The following COL16A1 variants were observed in gnomAD, a reference collection of about 807,000 sequenced individuals.
COL16A1 encodes collagen alpha-1(XVI) chain.
Under a neutral mutation model 266.3 loss-of-function variants are expected in COL16A1, and 189 were observed. The observed-to-expected ratio is 0.71, with a 90% CI of 0.63 to 0.80. The LOEUF (loss-of-function observed/expected upper bound fraction) is 0.80, where lower values mean the gene tolerates loss of function less well. Ranked by LOEUF, COL16A1 falls within the 30% of genes least tolerant of loss-of-function variation. The pLI is 0.00. For missense variants in COL16A1, 1,928 were observed against 2,122.4 expected (o/e 0.91, Z 1.80); for synonymous variants, 740 against 782.3 (o/e 0.95, Z 0.90).
At position 31,698,526 on chromosome 1, in the gene COL16A1, G is replaced by T. The variant is rs34091659; in HGVS notation, c.347C>A (p.Thr116Lys). The change falls in exon 5 of 71, where the codon ACG (threonine) becomes AAG (lysine). Residue 116 changes from threonine to lysine, a missense_variant. Thr to Lys is a moderately conservative substitution (Grantham distance 78). Transcript: ENST00000373672. This position sits in a 1 kb window ranked among gnomAD's most constrained non-coding sequence, Gnocchi z 4.1. ...ATCGGTCACTTGAAACAGATACCAC[G>T]TCTTCTGGTGGGTGTGTTTCTTCAG... ...LLLKKHTHQK[T>K]WYLFQVTDAN... 3 of 1,613,998 alleles carry T rather than the reference G, an allele frequency of 1.9e-6. No homozygotes were observed. Among genetic ancestry groups the T allele is most frequent in the East Asian group, 2.2e-5 (1 of 44,884 alleles).
At position 31,686,135 on chromosome 1, in the gene COL16A1, C is replaced by T. The variant is rs1643960739; in HGVS notation, c.1840G>A (p.Gly614Arg). The change falls in exon 28 of 71, where the codon GGG (glycine) becomes AGG (arginine). Residue 614 changes from glycine (G) to arginine (R), a missense_variant and splice_region_variant. Transcript: ENST00000373672. ...FGEAGPAGSP[G>R]PPGPVGPAGI... ...GCTGGCCCCACTGGTCCTGGTGGCC[C>T]CTGCATGTTAAGACGCTACAGGTAA... 6.2e-7 allele frequency: 1 copy of T among 1,614,002 alleles called. No homozygotes were observed. The highest frequency in any genetic ancestry group is 8.5e-7 in the Non-Finnish European group (1 of 1,180,036).
intron 36 of COL16A1, 46 bp downstream of exon 36, chr1:31,683,147 CA>C: frequency 6.2e-7 from 1 of 1,613,200 alleles, no homozygotes; most frequent in Non-Finnish European, 8.5e-7. Context: ...GCTTCTGGGA[CA>C]CTCTGGAATA....
rs1570308777 is a variant in COL16A1, at chr1:31,652,941, A to G, written c.4613-88T>C. 8.0e-7 allele frequency: 1 copy of G among 1,252,768 alleles called. No homozygotes were observed. Among genetic ancestry groups the G allele is most frequent in the East Asian group, 2.9e-5 (1 of 35,046 alleles). 77.6% of individuals were successfully genotyped at this position (1,252,768 alleles called of 1,614,324 possible). A position where few individuals can be genotyped will look rare whatever the true frequency, so the allele number is the denominator to read the frequency against. ...ATAATGGCATCAAATAATACCTTAC[A>G]TTTGATGACTGTTTCTCAAGTTACC... On this transcript the variant is annotated intron_variant, in intron 70 of 70. Coordinates refer to ENST00000373672, the MANE Select transcript of COL16A1 (RefSeq NM_001856.4). The surrounding 1 kb of genome is among the most constrained non-coding windows in gnomAD (Gnocchi z 4.8).
chr1:31,698,427 C>T lies in COL16A1; in HGVS notation c.390+56G>A, dbSNP rs536185120. The T allele has an allele frequency of 3.4e-4, 543 of 1,606,086 alleles. 17 individuals are homozygous for T. In the South Asian group the frequency reaches 5.4e-3, roughly 16 times the overall value. ...GTCACAAGCCGGGATGAAAGGTGGGCTGGACTGGTGCTACCCAATGCCCTA... is the reference window on the plus strand; with the variant it reads ...GTCACAAGCCGGGATGAAAGGTGGGTTGGACTGGTGCTACCCAATGCCCTA... On this transcript the variant is annotated intron_variant, in intron 5 of 70. Coordinates refer to ENST00000373672, the MANE Select transcript of COL16A1 (RefSeq NM_001856.4). The surrounding 1 kb of genome is among the most constrained non-coding windows in gnomAD (Gnocchi z 4.1).
At position 31,675,315 on chromosome 1, in the gene COL16A1, T is replaced by A. The variant is rs1395507731; in HGVS notation, c.2773-4A>T. ...AACCGTTGTTTCCAGGCACTCCCTG[T>A]AGCCAAGAAGAGACACGAGTGAGTG... On this transcript the variant is annotated splice_region_variant and splice_polypyrimidine_tract_variant and intron_variant, in intron 42 of 70. Coordinates refer to ENST00000373672, the MANE Select transcript of COL16A1 (RefSeq NM_001856.4). 6.2e-7 allele frequency: 1 copy of A among 1,613,628 alleles called. No homozygotes were observed. Among genetic ancestry groups the A allele is most frequent in the East Asian group, 2.2e-5 (1 of 44,864 alleles).
chr1:31,700,186 G>T, intron 2 of COL16A1, 71 bp from the exon 3 acceptor site: 2 of 1,437,070 alleles, frequency 1.4e-6, no homozygotes, highest in Non-Finnish European at 9.8e-7. Context: ...GACGCCTGGG[G>T]AACCTGGGAG....
intron 42 of COL16A1, among the ~76,000 whole-genome samples, chr1:31,677,891 C>T (rs1643317200): frequency 6.6e-6 from 1 of 152,190 alleles, no homozygotes; most frequent in Non-Finnish European, 1.5e-5. Context: ...CATGTCTTGG[C>T]AGGGTTTACA....
chr1:31,690,622 C>T (rs1469151155), intron 20 of COL16A1, 49 bp from the exon 21 acceptor site: 1 of 1,601,894 alleles, frequency 6.2e-7, no homozygotes. Flanking sequence ...CCAATGCAAT[C>T]TCGGTGCGTT....
rs773318414 is a variant in COL16A1 at position 31,697,128 on chromosome 1, C to T, written c.739-40G>A. The T allele has an allele frequency of 1.9e-6, 3 of 1,613,474 alleles. No homozygotes were observed. Among genetic ancestry groups the T allele is most frequent in the Non-Finnish European group, 2.5e-6 (3 of 1,179,602 alleles). On this transcript the variant is annotated intron_variant, in intron 7 of 70. Transcript: ENST00000373672. This position sits in a 1 kb window ranked among gnomAD's most constrained non-coding sequence, Gnocchi z 4.2. Reference sequence around the variant, plus strand: ...AGCGGGGCTAGGGTCAGTACAGGAGCAGACTCCTCCTAAGACCTCCAGGCA... The same window carrying T: ...AGCGGGGCTAGGGTCAGTACAGGAGTAGACTCCTCCTAAGACCTCCAGGCA...
At chr1:31,675,685 A>T (rs902392665) in intron 42 of COL16A1, among the ~76,000 whole-genome samples, 1 of 150,892 alleles carries the variant, frequency 6.6e-6, no homozygotes, top group Non-Finnish European at 1.5e-5. Flanking sequence ...CTTTGTAGAG[A>T]CGGGGTCTCA....
Position 31,698,988 on chromosome 1 carries a change from G to A in COL16A1, c.267-382C>T, listed in dbSNP as rs1050807624. Among the ~76,000 whole-genome samples, 2 of 152,058 alleles carry A rather than the reference G, an allele frequency of 1.3e-5. No homozygotes were observed. The highest frequency in any genetic ancestry group is 6.5e-5 in the Admixed American group (1 of 15,276). ...CAGGCGCCTGTAATCCCAGCTACCC[G>A]GGAGGCTGAGGCAGGAGAATTGCTT... On this transcript the variant is annotated intron_variant, in intron 4 of 70. Coordinates refer to ENST00000373672, the MANE Select transcript of COL16A1 (RefSeq NM_001856.4). This position sits in a 1 kb window ranked among gnomAD's most constrained non-coding sequence, Gnocchi z 4.1.
In COL16A1 at chr1:31,661,680, G is replaced by T; in HGVS notation, c.3706C>A (p.Pro1236Thr). 6.2e-7 allele frequency: 1 copy of T among 1,605,446 alleles called. No individual in the cohort carries two copies. Among genetic ancestry groups the T allele is most frequent in the Middle Eastern group, 1.7e-4 (1 of 6,026 alleles). ...CTTACCGGTGGTCCCATGAGTCCAG[G>T]GGGGCCAGCAGGACCAGGGTCCCCC... ...LRGDPGPAGP[P>T]GLMGPPGFKG... The change falls in exon 59 of 71, where the codon CCT (proline) becomes ACT (threonine). Residue 1236 changes from proline to threonine, a missense_variant. Physicochemically the swap from Pro to Thr is conservative, Grantham distance 38. This residue lies in a region of COL16A1 where 1,552 missense variants were observed against 1,637.2 expected (regional missense o/e 0.95). Transcript: ENST00000373672.
chr1:31,689,663 A>G, intron 23 of COL16A1, 78 bp downstream of exon 23: 1 of 1,189,740 alleles, frequency 8.4e-7, no homozygotes, highest in Non-Finnish European at 1.3e-6. Flanking sequence ...CCCTCTGCCC[A>G]ATTCCTCTCT....
At position 31,692,768 on chromosome 1, in the gene COL16A1, T is replaced by C. The variant is rs1644330795; in HGVS notation, c.1112A>G (p.Gln371Arg). Reference protein sequence around the residue: ...CVRISPDAPLQCAEGPKGEKG... With the variant: ...CVRISPDAPLRCAEGPKGEKG... ...GCAGGCATCACCTCCAAGTCTTACCTGAAGTGGGGCATCCGGGGAGATTCG... is the reference window on the plus strand; with the variant it reads ...GCAGGCATCACCTCCAAGTCTTACCCGAAGTGGGGCATCCGGGGAGATTCG... The change falls in exon 14 of 71, where the codon CAG (glutamine) becomes CGG (arginine). Residue 371 changes from glutamine (Q) to arginine (R), a missense_variant and splice_region_variant. Gln to Arg is a conservative substitution (Grantham distance 43). Around this residue, in one of 2 missense-constraint regions of COL16A1, gnomAD observed 1,552 missense variants for 1,637.2 expected, o/e 0.95. Transcript: ENST00000373672. 6.2e-7 allele frequency: 1 copy of C among 1,613,670 alleles called. No homozygotes were observed. Among genetic ancestry groups the C allele is most frequent in the Admixed American group, 1.7e-5 (1 of 59,996 alleles).
At chr1:31,695,689 T>C (rs554901607) in intron 10 of COL16A1, 72 bp downstream of exon 10, 1 of 1,445,076 alleles carries the variant, frequency 6.9e-7, no homozygotes, top group African/African-American at 1.4e-5. Flanking sequence ...ATGCTGAGGA[T>C]CCGTGCCCAA....
At position 31,668,741 on chromosome 1, in the gene COL16A1, C is replaced by G; in HGVS notation, c.3249+61G>C. ...GCAGCCACCCTTCAGAGCTCAAGCTCTGCCTCCCCAGCTCTTCCTCCCTTT... is the reference window on the plus strand; with the variant it reads ...GCAGCCACCCTTCAGAGCTCAAGCTGTGCCTCCCCAGCTCTTCCTCCCTTT... On this transcript the variant is annotated intron_variant, in intron 50 of 70. Transcript: ENST00000373672. This position sits in a 1 kb window ranked among gnomAD's most constrained non-coding sequence, Gnocchi z 5.8. The G allele has an allele frequency of 6.3e-7, 1 of 1,589,082 alleles. No individual in the cohort carries two copies. Among genetic ancestry groups the G allele is most frequent in the Non-Finnish European group, 8.6e-7 (1 of 1,157,728 alleles).
At chr1:31,661,738 G>A in intron 58 of COL16A1, 34 bp from the exon 59 acceptor site, 1 of 1,585,804 alleles carries the variant, frequency 6.3e-7, no homozygotes, top group African/African-American at 1.4e-5. Context: ...TGAGACAAGA[G>A]TTTTGCCCAG....
chr1:31,653,734 C>G, intron 69 of COL16A1, 58 bp from the exon 70 acceptor site: 2 of 1,581,228 alleles, frequency 1.3e-6, no homozygotes, highest in South Asian at 2.3e-5. Flanking sequence ...CACAGCCAGT[C>G]AGATTACTTG....
Position 31,668,775 on chromosome 1 carries a change from T to G in COL16A1, c.3249+27A>C, listed in dbSNP as rs1201773083. On this transcript the variant is annotated intron_variant, in intron 50 of 70. Coordinates refer to ENST00000373672, the MANE Select transcript of COL16A1 (RefSeq NM_001856.4). This position sits in a 1 kb window ranked among gnomAD's most constrained non-coding sequence, Gnocchi z 5.8. ...CAGCTCTTCCTCCCTTTCCAGCCCT[T>G]TCCAGCCCCTGCCAGCTTCTTCTTA... The G allele has an allele frequency of 4.3e-6, 7 of 1,613,636 alleles. No individual in the cohort carries two copies. Among genetic ancestry groups the G allele is most frequent in the Non-Finnish European group, 5.1e-6 (6 of 1,179,778 alleles).
Sources: gnomAD v4.1 joint callset for allele counts (sites outside exome capture counted in the v4.1 genomes callset) on GRCh38, gnomAD v4.1.1 for gene constraint, gnomAD v4.1.1 regional missense constraint, Gnocchi (gnomAD v3.1) non-coding constraint, MANE v1.5 for transcripts, NCBI Gene and HGNC (gene_info 2026-07-23, HGNC 2026-07-21) for gene names.